The following CEP104 variants were observed in gnomAD, a reference collection of about 807,000 sequenced individuals.
CEP104 encodes centrosomal protein of 104 kDa.
CEP104 carries 84 observed loss-of-function variants against 113.3 expected under a neutral mutation model. The ratio of observed to expected loss-of-function variants is 0.74; its 90% CI spans 0.62 to 0.89. The LOEUF is 0.89. CEP104 is among the 40% of genes least tolerant of loss of function. The pLI is 0.00. For missense variants in CEP104, 1,053 were observed against 1,156.6 expected, an observed-to-expected ratio of 0.91 and a Z score of 1.30; for synonymous variants, 378 against 421.7, an observed-to-expected ratio of 0.90 and a Z score of 1.27.
intron 20 of CEP104, among the ~76,000 whole-genome samples, chr1:3,816,818 C>G (rs1261286873): frequency 6.6e-6 from 1 of 152,288 alleles, no homozygotes; most frequent in Admixed American, 6.5e-5. Flanking sequence ...CCTGCTCTTC[C>G]TGAGCCACGC....
chr1:3,834,743 A>G (rs1262728449), intron 11 of CEP104, among the ~76,000 whole-genome samples, 182 bp downstream of exon 11: 1 of 152,236 alleles, frequency 6.6e-6, no homozygotes, highest in Non-Finnish European at 1.5e-5. Flanking sequence ...CCCTTCATGT[A>G]AGATCAGTTG....
chr1:3,837,237 G>T (rs1371881585), intron 9 of CEP104, 55 bp downstream of exon 9: 2 of 1,431,492 alleles, frequency 1.4e-6, no homozygotes, highest in Non-Finnish European at 1.9e-6. Flanking sequence ...CACAACACAT[G>T]TCCTTTACAA....
At chr1:3,824,122 T>C (rs1239578785) in intron 18 of CEP104, among the ~76,000 whole-genome samples, 2 of 152,232 alleles carry the variant, frequency 1.3e-5, no homozygotes, top group African/African-American at 4.8e-5. Context: ...GTTTCGCTCC[T>C]GTTGCCCAGG....
chr1:3,828,784 G>C (rs1644142761), intron 15 of CEP104, among the ~76,000 whole-genome samples: 1 of 152,158 alleles, frequency 6.6e-6, no homozygotes, highest in African/African-American at 2.4e-5. Context: ...CTGGGAGGCT[G>C]AAGAGGAACA....
In CEP104 at chr1:3,819,878, C is replaced by T. The variant is rs2124636234; in HGVS notation, c.2571+3296G>A. ...GAAGTGAGCTGCCAGCAGAGAGGCC[C>T]CCGGTGCTGACGGTGGGGGCCTCTA... On this transcript the variant is annotated intron_variant, in intron 20 of 21. Transcript: ENST00000378230. The surrounding 1 kb of genome is among the most constrained non-coding windows in gnomAD (Gnocchi z 4.6). Among the ~76,000 whole-genome samples the T allele has an allele frequency of 6.6e-6, 1 of 152,308 alleles. No individual in the cohort carries two copies. Among genetic ancestry groups the T allele is most frequent in the Non-Finnish European group, 1.5e-5 (1 of 68,012 alleles).
chr1:3,832,479 T>C (rs1420675116), intron 12 of CEP104, among the ~76,000 whole-genome samples: 2 of 86,090 alleles, frequency 2.3e-5, no homozygotes, highest in African/African-American at 6.2e-5. Flanking sequence ...ACCAGGAGTG[T>C]AGCGTAGGTC....
chr1:3,815,635 A>G, intron 21 of CEP104, 118 bp from the exon 22 acceptor site: 1 of 663,336 alleles, frequency 1.5e-6, no homozygotes, highest in Non-Finnish European at 2.5e-6. Flanking sequence ...GATGGCCGTC[A>G]CCCGACTACA....
At chr1:3,841,623 A>G (rs1047630096) in intron 6 of CEP104, among the ~76,000 whole-genome samples, 2 of 152,178 alleles carry the variant, frequency 1.3e-5, no homozygotes, top group Non-Finnish European at 2.9e-5. Context: ...CCACTTTGGT[A>G]CAGAACCCCC....
At chr1:3,843,994 T>C (rs1353059826) in intron 6 of CEP104, among the ~76,000 whole-genome samples, 1 of 151,668 alleles carries the variant, frequency 6.6e-6, no homozygotes, top group Non-Finnish European at 1.5e-5. Context: ...ACTCCTGACC[T>C]CGTGATCCAC....
At chr1:3,827,814 CCCA>C (rs1034480013) in intron 15 of CEP104, among the ~76,000 whole-genome samples, 17 of 152,264 alleles carry the variant, frequency 1.1e-4, no homozygotes, top group African/African-American at 3.9e-4. Flanking sequence ...GCAGCACAGA[CCCA>C]CTGCCTGGGT....
In CEP104 at chr1:3,829,348, T is replaced by G. The variant is rs747259195; in HGVS notation, c.2069A>C (p.Glu690Ala). 1.2e-6 allele frequency: 2 copies of G among 1,609,926 alleles called. No individual in the cohort carries two copies. The highest frequency in any genetic ancestry group is 1.3e-5 in the African/African-American group (1 of 74,614). The part of the protein sequence containing the change: ...MRARRKAATE[E>A]AEKQKKEEIK... ...TTCTTCTTTCTTTTGTTTTTCTGCT[T>G]CTTCTGTAGCCGCTTTTCTCCGTGC... is the stretch of plus-strand genomic sequence containing the variant. Residue 690 changes from glutamate to alanine, a missense_variant, in exon 15 of 22, where the codon GAA becomes GCA. Physicochemically the swap from Glu to Ala is moderately radical, Grantham distance 107. Transcript: ENST00000378230.
intron 4 of CEP104, 23 bp downstream of exon 4, chr1:3,847,452 A>T (rs1232161689): frequency 6.4e-7 from 1 of 1,551,848 alleles, no homozygotes; most frequent in Non-Finnish European, 8.7e-7. Flanking sequence ...GCAGAATCAA[A>T]GGCGAAGCTG....
Position 3,819,793 on chromosome 1 carries a change from C to T in CEP104, c.2571+3381G>A, listed in dbSNP as rs181890038. Among the ~76,000 whole-genome samples the T allele has an allele frequency of 9.2e-5, 14 of 152,292 alleles. No individual in the cohort carries two copies. Among genetic ancestry groups the T allele is most frequent in the African/African-American group, 2.6e-4 (11 of 41,556 alleles). On this transcript the variant is annotated intron_variant, in intron 20 of 21. Coordinates refer to ENST00000378230, the MANE Select transcript of CEP104 (RefSeq NM_014704.4). This position sits in a 1 kb window ranked among gnomAD's most constrained non-coding sequence, Gnocchi z 4.6. Reference sequence around the variant, plus strand: ...AGAATGAACGGCAAAACAATTCACACGAAATTAGAAAGACGTGTCTCAGCA... The same window carrying T: ...AGAATGAACGGCAAAACAATTCACATGAAATTAGAAAGACGTGTCTCAGCA...
intron 20 of CEP104, chr1:3,816,604 G>T (rs908716531): frequency 4.2e-6 from 2 of 480,926 alleles, no homozygotes; most frequent in African/African-American, 4.0e-5. Flanking sequence ...AGGCAAGCCT[G>T]CATCTCGCAT....
chr1:3,835,149 C>A, intron 10 of CEP104, 57 bp from the exon 11 acceptor site: 3 of 1,370,698 alleles, frequency 2.2e-6, no homozygotes, highest in African/African-American at 1.6e-5. Context: ...CAACACTACA[C>A]AACTTGAAGG....
At chr1:3,847,436 G>A in intron 4 of CEP104, 39 bp downstream of exon 4, 1 of 1,527,448 alleles carries the variant, frequency 6.5e-7, no homozygotes, top group Non-Finnish European at 8.8e-7. Flanking sequence ...CACAAAGAAG[G>A]TAGGGGCAGA....
At chr1:3,826,125 C>T (rs541693013) in intron 17 of CEP104, among the ~76,000 whole-genome samples, 1 of 152,222 alleles carries the variant, frequency 6.6e-6, no homozygotes, top group East Asian at 1.9e-4. Flanking sequence ...AATCAACGGG[C>T]GAACGATCCT....
intron 20 of CEP104, among the ~76,000 whole-genome samples, chr1:3,821,177 G>A (rs1225721769): frequency 6.6e-6 from 1 of 152,244 alleles, no homozygotes; most frequent in Non-Finnish European, 1.5e-5. Context: ...GTCCGGGGAA[G>A]GAAGGCACCA....
chr1:3,818,319 T>A (rs375570955), intron 20 of CEP104, among the ~76,000 whole-genome samples: 1 of 152,232 alleles, frequency 6.6e-6, no homozygotes, highest in Non-Finnish European at 1.5e-5. Context: ...CATTTCCACC[T>A]GCAGCCACCT....
Sources: allele counts gnomAD v4.1 joint callset (sites outside exome capture counted in the v4.1 genomes callset), GRCh38; gene constraint gnomAD v4.1.1; non-coding constraint Gnocchi (gnomAD v3.1); transcripts MANE v1.5; gene names NCBI Gene and HGNC (gene_info 2026-07-23, HGNC 2026-07-21).